Variants in ITGA5 observed in about 807,000 individuals in gnomAD.
ITGA5 encodes the protein integrin subunit alpha 5, also known as integrin alpha-5.
In ITGA5, 55 loss-of-function variants were observed where a neutral mutation model predicts 146.3. That is an observed-to-expected ratio of 0.38 (90% CI 0.30 to 0.47). The LOEUF (loss-of-function observed/expected upper bound fraction) is 0.47, where lower values mean the gene tolerates loss of function less well. ITGA5 is among the 20% of genes least tolerant of loss of function. The pLI, the probability that ITGA5 is intolerant of heterozygous loss-of-function variation, is 0.99. For synonymous variants in ITGA5, 500 were observed against 531.8 expected, an observed-to-expected ratio of 0.94 and a Z score of 0.82; for missense variants, 1,131 against 1,329.0, an observed-to-expected ratio of 0.85 and a Z score of 2.32.
At chr12:54,412,144 G>A (rs1299808925) in intron 1 of ITGA5, among the ~76,000 whole-genome samples, 180 bp from the exon 2 acceptor site, 1 of 152,050 alleles carries the variant, frequency 6.6e-6, no homozygotes, top group African/African-American at 2.4e-5. Context: ...GGAGTCAGGC[G>A]GTCCCCATGT....
chr12:54,409,673 G>A lies in ITGA5; in HGVS notation c.350-76C>T. On this transcript the variant is annotated intron_variant, in intron 2 of 29. Coordinates refer to ENST00000293379, the MANE Select transcript of ITGA5 (RefSeq NM_002205.5). The surrounding 1 kb of genome is among the most constrained non-coding windows in gnomAD (Gnocchi z 4.7). ...CTAGGGCAGCCCCTACCCTCAGCCT[G>A]GGGATACCCAACAAACGCTTCCAAG... 1.1e-6 allele frequency: 1 copy of A among 926,794 alleles called. No homozygotes were observed. 57.4% of individuals were successfully genotyped at this position (926,794 alleles called of 1,614,324 possible).
At position 54,418,979 on chromosome 12, in the gene ITGA5, A is replaced by C; in HGVS notation, c.218+2T>G. 6.2e-7 allele frequency: 1 copy of C among 1,600,086 alleles called. No homozygotes were observed. On this transcript the variant is annotated splice_donor_variant, in intron 1 of 29. Transcript: ENST00000293379. LOFTEE classifies it high-confidence loss of function. ...ATCCCGTCTCCAGCCCTCCTCACTC[A>C]CCCGTCTGTTCCCGGCCGGTAAAAC...
rs1955909016 is a variant in ITGA5 at position 54,409,230 on chromosome 12, A to T, written c.583+2T>A. ...GGGGCACAGGCCCCCTCTTGCCCCT[A>T]CCTGAGCGGCAGGGTGCATACTCCA... On this transcript the variant is annotated splice_donor_variant, in intron 4 of 29. Transcript: ENST00000293379. LOFTEE classifies it high-confidence loss of function. This position sits in a 1 kb window ranked among gnomAD's most constrained non-coding sequence, Gnocchi z 4.7. 6.2e-7 allele frequency: 1 copy of T among 1,609,994 alleles called. No individual in the cohort carries two copies.
intron 2 of ITGA5, 135 bp downstream of exon 2, chr12:54,411,699 G>A: frequency 1.7e-6 from 1 of 605,478 alleles, no homozygotes; most frequent in Non-Finnish European, 2.6e-6. Flanking sequence ...AGCAGTTGGA[G>A]CACCAGAGCT....
chr12:54,417,876 C>T (rs1305661125), intron 1 of ITGA5, among the ~76,000 whole-genome samples: 1 of 152,146 alleles, frequency 6.6e-6, no homozygotes, highest in Non-Finnish European at 1.5e-5. Flanking sequence ...AATCTCCCCG[C>T]CATCCCACAT....
rs2120554119 is a variant in ITGA5, at chr12:54,411,881, C to T, written c.302G>A (p.Trp101Ter). Reference protein sequence around the residue: ...LQGGAVYLCPWGASPTQCTPI... With the variant: ...LQGGAVYLCP ...GGTGCACTGTGTGGGGCTGGCACCC[C>T]AAGGACAGAGGTAGACAGCACCACC... The change falls in exon 2 of 30, where the codon TGG becomes TAG. Residue 101 changes from tryptophan (W) to a stop codon, truncating the protein, a stop_gained. Transcript: ENST00000293379. LOFTEE classifies it high-confidence loss of function. 6.3e-7 allele frequency: 1 copy of T among 1,597,848 alleles called. No homozygotes were observed. Among genetic ancestry groups the T allele is most frequent in the African/African-American group, 1.4e-5 (1 of 74,042 alleles).
Position 54,408,248 on chromosome 12 carries a change from T to G in ITGA5, c.692-13A>C. The G allele has an allele frequency of 6.2e-7, 1 of 1,613,518 alleles. No individual in the cohort carries two copies. The highest frequency in any genetic ancestry group is 8.5e-7 in the Non-Finnish European group (1 of 1,179,852). ...GACAGGATCTGGCCTGGAGAGAGTA[T>G]GAAGAGGGAGTAGATGGAGAGGAAG... On this transcript the variant is annotated splice_polypyrimidine_tract_variant and intron_variant, in intron 6 of 29. Coordinates refer to ENST00000293379, the MANE Select transcript of ITGA5 (RefSeq NM_002205.5).
Position 54,411,848 on chromosome 12 carries a change from T to C in ITGA5, c.335A>G (p.Glu112Gly). 1 of 1,524,924 alleles carries C rather than the reference T, an allele frequency of 6.6e-7. No homozygotes were observed. The highest frequency in any genetic ancestry group is 8.8e-7 in the Non-Finnish European group (1 of 1,133,934). 94.5% of individuals were successfully genotyped at this position (1,524,924 alleles called of 1,614,324 possible). Residue 112 changes from glutamate to glycine, a missense_variant, in exon 2 of 30, where the codon GAA becomes GGA. By Grantham distance (98) the Glu-to-Gly change is moderately conservative. Coordinates refer to ENST00000293379, the MANE Select transcript of ITGA5 (RefSeq NM_002205.5). ...CACTGGCCTACCTTTGCTGTCAAAT[T>C]CAATGGGGGTGCACTGTGTGGGGCT... is the stretch of plus-strand genomic sequence containing the variant. ...GASPTQCTPI[E>G]FDSKGSRLLE...
chr12:54,404,988 T>A (rs1955844144), intron 12 of ITGA5, 94 bp from the exon 13 acceptor site: 3 of 1,235,528 alleles, frequency 2.4e-6, no homozygotes, highest in Non-Finnish European at 3.3e-6. Context: ...TCCTATTTTT[T>A]CCCATCTGTC....
chr12:54,419,188 C>T lies in ITGA5; in HGVS notation c.11G>A (p.Arg4Gln), dbSNP rs748286038. MGS[R>Q]TPESPLHAVQ... ...GGCGTGGAGAGGGGACTCTGGCGTC[C>T]GGCTCCCCATAGCGCCCGCTCTTCC... The change falls in exon 1 of 30, where the codon CGG becomes CAG. Residue 4 changes from arginine (R) to glutamine (Q), a missense_variant. Around this residue, in one of 3 missense-constraint regions of ITGA5, gnomAD observed 175 missense variants for 179.3 expected, o/e 0.98. Transcript: ENST00000293379. 3 of 1,562,938 alleles carry T rather than the reference C, an allele frequency of 1.9e-6. No homozygotes were observed. The highest frequency in any genetic ancestry group is 2.6e-6 in the Non-Finnish European group (3 of 1,155,046).
intron 29 of ITGA5, among the ~76,000 whole-genome samples, chr12:54,396,679 C>T (rs1156320782): frequency 2.6e-5 from 4 of 152,044 alleles, no homozygotes; most frequent in Non-Finnish European, 5.9e-5. Context: ...GTAGTGGCTG[C>T]TTCTGTTTGT....
chr12:54,409,021 CA>C lies in ITGA5; in HGVS notation c.584-68del. On this transcript the variant is annotated intron_variant, in intron 4 of 29. Coordinates refer to ENST00000293379, the MANE Select transcript of ITGA5 (RefSeq NM_002205.5). This position sits in a 1 kb window ranked among gnomAD's most constrained non-coding sequence, Gnocchi z 4.7. ...GGGTCATCCAGGAAAGAAGAGAGGG[CA>C]TAGGGAAGGAGGTGGGAGAGAGAAC... 6.6e-7 allele frequency: 1 copy of C among 1,518,848 alleles called. No individual in the cohort carries two copies. The highest frequency in any genetic ancestry group is 9.1e-7 in the Non-Finnish European group (1 of 1,097,106). 94.1% of individuals were successfully genotyped at this position (1,518,848 alleles called of 1,614,324 possible).
Position 54,400,825 on chromosome 12 carries a change from T to C in ITGA5, c.2643+21A>G, listed in dbSNP as rs756202688. On this transcript the variant is annotated intron_variant, in intron 25 of 29. Transcript: ENST00000293379. ...CCTCTGAATCTGCTCCTCTTCCCCA[T>C]GCCAGTGTTCAGGATCTCACCTCCA... The C allele has an allele frequency of 3.7e-6, 6 of 1,610,928 alleles. No homozygotes were observed. In the South Asian group the frequency reaches 6.6e-5, roughly 18 times the overall value.
At position 54,408,950 on chromosome 12, in the gene ITGA5, G is replaced by A; in HGVS notation, c.588C>T (p.Phe196=). ...ILEYAPCRSD[F]SWAAGQGYCQ... is the part of the protein sequence containing the mutation. ...AGTAACCCTGTCCTGCTGCCCAGCTGAAATCTGTGAGGGGAGAAGGTGGTG... is the reference window on the plus strand; with the variant it reads ...AGTAACCCTGTCCTGCTGCCCAGCTAAAATCTGTGAGGGGAGAAGGTGGTG... Residue 196 remains phenylalanine, a synonymous_variant, in exon 5 of 30, where the codon TTC becomes TTT. Transcript: ENST00000293379. 6 of 1,614,068 alleles carry A rather than the reference G, an allele frequency of 3.7e-6. No homozygotes were observed. The highest frequency in any genetic ancestry group is 5.1e-6 in the Non-Finnish European group (6 of 1,179,982).
chr12:54,410,658 A>G (rs998317367), intron 2 of ITGA5, among the ~76,000 whole-genome samples: 25 of 151,288 alleles, frequency 1.7e-4, no homozygotes, highest in Non-Finnish European at 1.0e-4. Flanking sequence ...AGAATCACTC[A>G]AGTGATTCTC....
intron 9 of ITGA5, chr12:54,407,307 C>G: frequency 3.1e-6 from 1 of 320,770 alleles, no homozygotes; most frequent in African/African-American, 2.1e-5. Flanking sequence ...AAGCACTTGT[C>G]CTGGTCTAAT....
At chr12:54,404,079 G>A in intron 15 of ITGA5, 66 bp downstream of exon 15, 1 of 1,563,788 alleles carries the variant, frequency 6.4e-7, no homozygotes, top group South Asian at 1.1e-5. Context: ...CCCTTTTTAA[G>A]GCAGACTTGG....
chr12:54,400,776 C>T (rs962946506), intron 25 of ITGA5, 70 bp downstream of exon 25: 1 of 1,524,790 alleles, frequency 6.6e-7, no homozygotes. Context: ...CCCCAGCAAC[C>T]TTCCCCAACC....
intron 1 of ITGA5, among the ~76,000 whole-genome samples, chr12:54,415,389 C>T (rs905070532): frequency 2.6e-5 from 4 of 152,202 alleles, no homozygotes; most frequent in Admixed American, 2.0e-4. Context: ...CCTGAGGCCA[C>T]ATGGCATAAA....
Sources: allele counts gnomAD v4.1 joint callset (sites outside exome capture counted in the v4.1 genomes callset), GRCh38; gene constraint gnomAD v4.1.1; regional missense constraint gnomAD v4.1.1; non-coding constraint Gnocchi (gnomAD v3.1); transcripts MANE v1.5; gene names NCBI Gene and HGNC (gene_info 2026-07-23, HGNC 2026-07-21).